KIF5B: variants seen among roughly 807,000 people sequenced by gnomAD.
KIF5B encodes kinesin family member 5B.
KIF5B carries 49 observed loss-of-function variants against 132.8 expected under a neutral mutation model. The ratio of observed to expected loss-of-function variants is 0.37; its 90% CI spans 0.29 to 0.47. KIF5B has a LOEUF of 0.47. KIF5B is among the 20% of genes least tolerant of loss of function. KIF5B has a pLI of 1.00. For synonymous variants in KIF5B, 355 were observed against 369.4 expected, an observed-to-expected ratio of 0.96 and a Z score of 0.45; for missense variants, 780 against 1,144.0, an observed-to-expected ratio of 0.68 and a Z score of 4.59.
intron 17 of KIF5B, among the ~76,000 whole-genome samples, 166 bp from the exon 18 acceptor site, chr10:32,021,453 T>C (rs1208675503): frequency 6.6e-6 from 1 of 152,074 alleles, no homozygotes; most frequent in African/African-American, 2.4e-5. Context: ...TAGACTAGTA[T>C]ACAAGTTACA....
chr10:32,046,162 A>G (rs1841606436), intron 2 of KIF5B, among the ~76,000 whole-genome samples: 1 of 152,178 alleles, frequency 6.6e-6, no homozygotes, highest in South Asian at 2.1e-4. Flanking sequence ...TGGGGCTTAA[A>G]GCTGGCGGCA....
rs766332268 is a variant in KIF5B at position 32,017,278 on chromosome 10, C to T, written c.2626G>A (p.Ala876Thr). The change falls in exon 24 of 26, where the codon GCT (alanine) becomes ACT (threonine). Residue 876 changes from alanine to threonine, a missense_variant. Coordinates refer to ENST00000302418, the MANE Select transcript of KIF5B (RefSeq NM_004521.3). ...RLRATAERVK[A>T]LESALKEAKE... ...GCTTCTTTCAGTGCTGATTCCAAAG[C>T]TTTCACTCTCTCAGCTGTAGCTCGA... The T allele has an allele frequency of 3.7e-6, 6 of 1,614,184 alleles. No homozygotes were observed. Among genetic ancestry groups the T allele is most frequent in the Non-Finnish European group, 5.1e-6 (6 of 1,180,040 alleles).
intron 25 of KIF5B, 21 bp downstream of exon 25, chr10:32,015,488 A>G: frequency 6.7e-7 from 1 of 1,500,256 alleles, no homozygotes; most frequent in Non-Finnish European, 8.9e-7. Context: ...AGATATGAAA[A>G]GCCAGATATA....
At chr10:32,054,281 C>T (rs985168426) in intron 1 of KIF5B, among the ~76,000 whole-genome samples, 5 of 152,228 alleles carry the variant, frequency 3.3e-5, no homozygotes, top group Non-Finnish European at 7.3e-5. Flanking sequence ...AATATACCAT[C>T]CCAAAGGAAA....
At chr10:32,015,261 A>G (rs1348173174) in intron 25 of KIF5B, among the ~76,000 whole-genome samples, 1 of 152,234 alleles carries the variant, frequency 6.6e-6, no homozygotes, top group East Asian at 1.9e-4. Flanking sequence ...AAACCATGGT[A>G]CATCCATTAG....
chr10:32,037,655 A>C, intron 6 of KIF5B, 48 bp from the exon 7 acceptor site: 1 of 1,397,592 alleles, frequency 7.2e-7, no homozygotes, highest in Middle Eastern at 1.8e-4. Flanking sequence ...CAACATGATG[A>C]AACCCTTTCT....
intron 25 of KIF5B, among the ~76,000 whole-genome samples, chr10:32,013,113 C>A (rs907688526): frequency 3.9e-5 from 6 of 152,044 alleles, no homozygotes; most frequent in African/African-American, 1.5e-4. Flanking sequence ...GTTGGTCAGG[C>A]TGGTCTCGAA....
chr10:32,050,715 G>A lies in KIF5B; in HGVS notation c.127-2164C>T, dbSNP rs187777330. On this transcript the variant is annotated intron_variant, in intron 1 of 25. Transcript: ENST00000302418. Reference sequence around the variant, plus strand: ...TTGGCATCAATTTAAAATAGGCATCGATGTCTGATTATTCTTTAGTTGTGA... The same window carrying A: ...TTGGCATCAATTTAAAATAGGCATCAATGTCTGATTATTCTTTAGTTGTGA... 2.4e-3 allele frequency among the ~76,000 whole-genome samples: 364 copies of A among 152,304 alleles called. 3 individuals carry two copies. The highest frequency in any genetic ancestry group is 0.017 in the Middle Eastern group (5 of 294).
intron 1 of KIF5B, among the ~76,000 whole-genome samples, chr10:32,051,839 C>G (rs1027792238): frequency 6.6e-6 from 1 of 152,140 alleles, no homozygotes; most frequent in Non-Finnish European, 1.5e-5. Context: ...ATAATTAAGG[C>G]ATATCTCTAT....
In KIF5B at chr10:32,035,322, A is replaced by G. The variant is rs568860479; in HGVS notation, c.962+200T>C. Among the ~76,000 whole-genome samples, 4 of 152,356 alleles carry G rather than the reference A, an allele frequency of 2.6e-5. No homozygotes were observed. The South Asian group carries it at 8.3e-4, about 32-fold the overall frequency. On this transcript the variant is annotated intron_variant, in intron 10 of 25. Coordinates refer to ENST00000302418, the MANE Select transcript of KIF5B (RefSeq NM_004521.3). ...GTCACACAAATTTGACTAAAATTAC[A>G]TCTGACTTTAATGTGTACTAAAACT...
Position 32,011,523 on chromosome 10 carries a change from AT to A in KIF5B, c.*21-8del, listed in dbSNP as rs1841080832. The A allele has an allele frequency of 6.6e-6, 1 of 152,284 alleles. No individual in the cohort carries two copies. The highest frequency in any genetic ancestry group is 2.4e-5 in the African/African-American group (1 of 41,454). The allele number at this position is 152,284 out of a possible 1,614,324, so 9.4% of individuals were successfully genotyped here. On this transcript the variant is annotated splice_region_variant and splice_polypyrimidine_tract_variant and intron_variant, in intron 25 of 25. Transcript: ENST00000302418. ...TTCGATTACTTTTTAACACCTAAAA[AT>A]GGGAGAAAGCATAGAGTAAATATGT... is the stretch of plus-strand genomic sequence containing the variant.
At chr10:32,020,638 G>T (rs955872533) in intron 19 of KIF5B, among the ~76,000 whole-genome samples, 1 of 152,020 alleles carries the variant, frequency 6.6e-6, no homozygotes, top group Non-Finnish European at 1.5e-5. Context: ...TTGCCCAGCT[G>T]GTCTTGAACT....
rs1455349865 is a variant in KIF5B, at chr10:32,035,652, G to T, written c.832C>A (p.Arg278=). 6.2e-7 allele frequency: 1 copy of T among 1,611,188 alleles called. No homozygotes were observed. Among genetic ancestry groups the T allele is most frequent in the Non-Finnish European group, 8.5e-7 (1 of 1,178,626 alleles). ...LAEGSTYVPY[R]DSKMTRILQD... ...AGGATTCTTGTCATTTTACTATCTC[G>T]ATATGGAACATATGTCTGCATACAA... The change falls in exon 10 of 26, where the codon CGA becomes AGA. Residue 278 remains arginine (R), a synonymous_variant. Transcript: ENST00000302418.
chr10:32,026,555 A>G (rs1257532624), intron 15 of KIF5B, among the ~76,000 whole-genome samples: 2 of 149,676 alleles, frequency 1.3e-5, no homozygotes, highest in East Asian at 3.9e-4. Flanking sequence ...TTTAATTAGA[A>G]TAACTATTTG....
chr10:32,037,749 C>G, intron 6 of KIF5B, 142 bp from the exon 7 acceptor site: 5 of 629,158 alleles, frequency 7.9e-6, no homozygotes, highest in South Asian at 3.9e-5. Context: ...AGGAGAATCG[C>G]TTGAGCCTGG....
Position 32,018,154 on chromosome 10 carries a change from A to G in KIF5B, c.2442T>C (p.Ser814=). The change falls in exon 23 of 26, where the codon AGT becomes AGC. Residue 814 remains serine (S), a splice_region_variant and synonymous_variant. Transcript: ENST00000302418. The part of the protein sequence containing the change: ...VQDLATRVKK[S]AEIDSDDTGG... ...CGGTGTCATCAGAATCAATCTCAGC[A>G]CTCTGAGAAAAGAAGGTAAGTATTA... 3 of 1,584,808 alleles carry G rather than the reference A, an allele frequency of 1.9e-6. No homozygotes were observed. Among genetic ancestry groups the G allele is most frequent in the Non-Finnish European group, 2.6e-6 (3 of 1,165,042 alleles).
chr10:32,037,127 T>A, intron 8 of KIF5B, 127 bp downstream of exon 8: 1 of 789,630 alleles, frequency 1.3e-6, no homozygotes, highest in Non-Finnish European at 2.0e-6. Context: ...CATCAGCGGT[T>A]ACAAATCTCA....
chr10:32,010,133 T>C lies in KIF5B; in HGVS notation c.*1404A>G, dbSNP rs1440007173. Reference sequence around the variant, plus strand: ...TGCCAGCAAGATCCTAACACAGAACTTTCCAAGTTTCTCTGCTAACCTTAA... The same window carrying C: ...TGCCAGCAAGATCCTAACACAGAACCTTCCAAGTTTCTCTGCTAACCTTAA... On this transcript the variant is annotated 3_prime_UTR_variant, in exon 26 of 26. Transcript: ENST00000302418. 2 of 152,180 alleles carry C rather than the reference T, an allele frequency of 1.3e-5. No individual in the cohort carries two copies. The highest frequency in any genetic ancestry group is 6.5e-5 in the Admixed American group (1 of 15,280). The allele number at this position is 152,180 out of a possible 1,614,324, so 9.4% of individuals were successfully genotyped here.
intron 15 of KIF5B, 48 bp downstream of exon 15, chr10:32,028,380 G>A (rs1376838006): frequency 7.0e-7 from 1 of 1,438,102 alleles, no homozygotes; most frequent in East Asian, 2.3e-5. Context: ...AAACAAAAGT[G>A]CCAGTGTATA....
Sources: allele counts gnomAD v4.1 joint callset (sites outside exome capture counted in the v4.1 genomes callset), GRCh38; gene constraint gnomAD v4.1.1; transcripts MANE v1.5; gene names NCBI Gene and HGNC (gene_info 2026-07-23, HGNC 2026-07-21).